Variants in KIF26A observed in about 807,000 individuals in gnomAD.
KIF26A encodes the protein kinesin family member 26A.
In KIF26A, 74 loss-of-function variants were observed where a neutral mutation model predicts 126.0. The observed-to-expected ratio is 0.59, with a 90% CI of 0.49 to 0.71. KIF26A has a LOEUF of 0.71. KIF26A is among the 30% of genes least tolerant of loss of function. The probability of loss-of-function intolerance (pLI) is 0.00; values close to 1 mark genes in which losing one functional copy is unlikely to be tolerated. For synonymous variants in KIF26A, 1,445 were observed against 1,232.7 expected (o/e 1.17, Z -3.61); for missense variants, 2,984 against 2,763.3 (o/e 1.08, Z -1.79).
intron 7 of KIF26A, 64 bp from the exon 8 acceptor site, chr14:104,172,913 G>T (rs1247004742): frequency 8.8e-6 from 13 of 1,478,700 alleles, no homozygotes; most frequent in Non-Finnish European, 1.2e-5. Context: ...CCCCGGGGAC[G>T]CCAGTAGCCA....
intron 5 of KIF26A, among the ~76,000 whole-genome samples, chr14:104,169,197 C>T (rs73360237): frequency 0.015 from 2,306 of 152,276 alleles, 61 homozygotes; most frequent in African/African-American, 0.052. Flanking sequence ...AGGAGGACGC[C>T]GAGGTCAGGT....
chr14:104,151,946 T>C lies in KIF26A; in HGVS notation c.289-69T>C. 2 of 1,394,546 alleles carry C rather than the reference T, an allele frequency of 1.4e-6. No individual in the cohort carries two copies. The highest frequency in any genetic ancestry group is 2.0e-6 in the Non-Finnish European group (2 of 983,932). 86.4% of individuals were successfully genotyped at this position (1,394,546 alleles called of 1,614,324 possible). A position where few individuals can be genotyped will look rare whatever the true frequency, so the allele number is the denominator to read the frequency against. Reference sequence around the variant, plus strand: ...GCAGCGTCATGGACGGTGAGAGTGCTGGTGGGCTCTGGGTGCCGGCCCTCC... The same window carrying C: ...GCAGCGTCATGGACGGTGAGAGTGCCGGTGGGCTCTGGGTGCCGGCCCTCC... On this transcript the variant is annotated intron_variant, in intron 2 of 14. Transcript: ENST00000423312. The surrounding 1 kb of genome is among the most constrained non-coding windows in gnomAD (Gnocchi z 4.9).
chr14:104,179,243 C>T lies in KIF26A; in HGVS notation c.5324C>T (p.Ala1775Val), dbSNP rs372472546. The change falls in exon 14 of 15, where the codon GCG (alanine) becomes GTG (valine). Residue 1775 changes from alanine to valine, a missense_variant. Ala to Val is a moderately conservative substitution (Grantham distance 64). Coordinates refer to ENST00000423312, the MANE Select transcript of KIF26A (RefSeq NM_015656.2). ...GCCCGCCCTGCCTCCCAGGGTCTGG[C>T]GTGCGTCAGTACAAGGCTGCGGCTG... ...TPREAPTQGLACVSTRLRLAE... is the reference protein window; with the variant it reads ...TPREAPTQGLVCVSTRLRLAE... 17 of 1,496,534 alleles carry T rather than the reference C, an allele frequency of 1.1e-5. No homozygotes were observed. Among genetic ancestry groups the T allele is most frequent in the East Asian group, 7.6e-5 (3 of 39,676 alleles). The allele number at this position is 1,496,534 out of a possible 1,614,324, so 92.7% of individuals were successfully genotyped here. A position where few individuals can be genotyped will look rare whatever the true frequency, so the allele number is the denominator to read the frequency against.
At chr14:104,163,092 G>A (rs988516779) in intron 4 of KIF26A, among the ~76,000 whole-genome samples, 8 of 152,160 alleles carry the variant, frequency 5.3e-5, no homozygotes, top group Non-Finnish European at 1.2e-4. Flanking sequence ...ACCCAAGGTC[G>A]TGGGGTGGGG....
Position 104,177,973 on chromosome 14 carries a change from T to C in KIF26A, c.5110+75T>C, listed in dbSNP as rs926283057. The C allele has an allele frequency of 5.8e-6, 8 of 1,376,196 alleles. No individual in the cohort carries two copies. The African/African-American group carries it at 9.0e-5, about 15-fold the overall frequency. 85.2% of individuals were successfully genotyped at this position (1,376,196 alleles called of 1,614,324 possible). On this transcript the variant is annotated intron_variant, in intron 12 of 14. Transcript: ENST00000423312. ...TAGATGTGCACAGCCCTCTACAGTT[T>C]ACAGGGCCAGGAGATGCTGGACAGA...
Position 104,143,420 on chromosome 14 carries a change from GTT to G in KIF26A, c.288+4134_288+4135del, listed in dbSNP as rs375529823. ...CCTTGGACGCTGCTCATGGGCTTCT[GTT>G]TGCTTCTCCTGTTGCCTCTCTGGTT... is the stretch of plus-strand genomic sequence containing the variant. On this transcript the variant is annotated intron_variant, in intron 2 of 14. Transcript: ENST00000423312. Among the ~76,000 whole-genome samples the G allele has an allele frequency of 6.4e-4, 97 of 152,336 alleles. 1 individual carries two copies. The East Asian group carries it at 0.015, about 23-fold the overall frequency.
chr14:104,157,187 T>C (rs1033489396), intron 3 of KIF26A, among the ~76,000 whole-genome samples: 4 of 152,198 alleles, frequency 2.6e-5, no homozygotes, highest in African/African-American at 9.6e-5. Context: ...TGCTTCATTA[T>C]GAGGAGGCCT....
rs1356450224 is a variant in KIF26A, at chr14:104,152,234, T to C, written c.508T>C (p.Ser170Pro). The change falls in exon 3 of 15, where the codon TCG becomes CCG. Residue 170 changes from serine to proline, a missense_variant. Ser to Pro is a moderately conservative substitution (Grantham distance 74). Coordinates refer to ENST00000423312, the MANE Select transcript of KIF26A (RefSeq NM_015656.2). The surrounding 1 kb of genome is among the most constrained non-coding windows in gnomAD (Gnocchi z 5.9). ...CGCACCCCCCAGCACCACGACCAGC[T>C]CGAGGGACACGCCAGGACCAGCGGG... is the stretch of plus-strand genomic sequence containing the variant. ...SLAPPSTTTS[S>P]RDTPGPAGPA... 1.3e-6 allele frequency: 2 copies of C among 1,598,512 alleles called. No homozygotes were observed. Among genetic ancestry groups the C allele is most frequent in the Non-Finnish European group, 1.7e-6 (2 of 1,174,634 alleles).
At chr14:104,174,503 C>T (rs898366575) in intron 11 of KIF26A, among the ~76,000 whole-genome samples, 193 bp downstream of exon 11, 4 of 152,150 alleles carry the variant, frequency 2.6e-5, no homozygotes, top group African/African-American at 9.7e-5. Context: ...AGCCTGAGGT[C>T]CCTGGCTGCA....
chr14:104,157,290 T>C (rs2037788793), intron 3 of KIF26A, among the ~76,000 whole-genome samples: 3 of 152,288 alleles, frequency 2.0e-5, no homozygotes, highest in East Asian at 3.9e-4. Context: ...CGTGGGGCAA[T>C]TAGTGTTCCT....
rs779169783 is a variant in KIF26A, at chr14:104,172,973, C to G, written c.1421-4C>G. The G allele has an allele frequency of 3.8e-6, 6 of 1,584,876 alleles. No homozygotes were observed. Among genetic ancestry groups the G allele is most frequent in the Non-Finnish European group, 5.2e-6 (6 of 1,162,324 alleles). ...GTGGGGCCTGACGCCTGCGTGGCCC[C>G]CAGGCAAGTCGTACACCATGATCGG... On this transcript the variant is annotated splice_region_variant and splice_polypyrimidine_tract_variant and intron_variant, in intron 7 of 14. Coordinates refer to ENST00000423312, the MANE Select transcript of KIF26A (RefSeq NM_015656.2).
Position 104,148,951 on chromosome 14 carries a change from A to G in KIF26A, c.289-3064A>G, listed in dbSNP as rs572398575. On this transcript the variant is annotated intron_variant, in intron 2 of 14. Transcript: ENST00000423312. The surrounding 1 kb of genome is among the most constrained non-coding windows in gnomAD (Gnocchi z 4.3). ...GCTGGGCCCCAGGCTGGTCCTGCAA[A>G]TAGGAGGTCTCGGGTCCTCTGGGCT... Among the ~76,000 whole-genome samples the G allele has an allele frequency of 2.6e-5, 4 of 152,188 alleles. No homozygotes were observed. In the East Asian group the frequency reaches 7.7e-4, roughly 29 times the overall value.
chr14:104,172,043 C>G, intron 6 of KIF26A, 108 bp downstream of exon 6: 2 of 1,104,268 alleles, frequency 1.8e-6, no homozygotes, highest in Non-Finnish European at 2.6e-6. Flanking sequence ...GCAGAGGAAG[C>G]GTGAGCGAGG....
Position 104,174,292 on chromosome 14 carries a change from G to T in KIF26A, c.2175G>T (p.Leu725=). ...AGCTCGCCGCCCGCATCCACCGCCTGCGCAGGAAGAAGGCCAAGGTGCTCC... is the reference window on the plus strand; with the variant it reads ...AGCTCGCCGCCCGCATCCACCGCCTTCGCAGGAAGAAGGCCAAGGTGCTCC... ...TVQLAARIHR[L]RRKKAKYASS... Residue 725 remains leucine (L), a synonymous_variant, in exon 11 of 15, where the codon CTG becomes CTT. Coordinates refer to ENST00000423312, the MANE Select transcript of KIF26A (RefSeq NM_015656.2). 6.4e-7 allele frequency: 1 copy of T among 1,552,168 alleles called. No homozygotes were observed. Among genetic ancestry groups the T allele is most frequent in the South Asian group, 1.2e-5 (1 of 83,830 alleles).
At chr14:104,170,115 G>A (rs943988326) in intron 5 of KIF26A, among the ~76,000 whole-genome samples, 1 of 152,170 alleles carries the variant, frequency 6.6e-6, no homozygotes, top group Non-Finnish European at 1.5e-5. Context: ...GAGCCAAACC[G>A]TGAGCCTCTC....
chr14:104,162,518 T>C (rs1453499084), intron 4 of KIF26A, among the ~76,000 whole-genome samples: 2 of 152,198 alleles, frequency 1.3e-5, no homozygotes. Context: ...GGCTCCAGCC[T>C]CAATCTCCCT....
In KIF26A at chr14:104,138,778, G is replaced by A. The variant is rs1171838618; in HGVS notation, c.42+14G>A. 18 of 1,260,920 alleles carry A rather than the reference G, an allele frequency of 1.4e-5. No individual in the cohort carries two copies. Among genetic ancestry groups the A allele is most frequent in the Non-Finnish European group, 1.6e-5 (16 of 1,006,442 alleles). The allele number at this position is 1,260,920 out of a possible 1,614,324, so 78.1% of individuals were successfully genotyped here. On this transcript the variant is annotated intron_variant, in intron 1 of 14. Coordinates refer to ENST00000423312, the MANE Select transcript of KIF26A (RefSeq NM_015656.2). ...GCGCAGCCCGCGGTACGCGCGGCCC[G>A]GCCTGGAGAGGGAGGCGGGCGGCGG... is the stretch of plus-strand genomic sequence containing the variant.
chr14:104,153,107 G>A (rs1308717094), intron 3 of KIF26A, among the ~76,000 whole-genome samples: 1 of 152,124 alleles, frequency 6.6e-6, no homozygotes, highest in African/African-American at 2.4e-5. Context: ...AGTCTCTGGG[G>A]CAACATTGGC....
Position 104,175,912 on chromosome 14 carries a change from C to G in KIF26A, c.3124C>G (p.Leu1042Val). 1 of 1,546,660 alleles carries G rather than the reference C, an allele frequency of 6.5e-7. No individual in the cohort carries two copies. ...LVFTVVEELS[L>V]GALAGAGRPT... Reference sequence around the variant, plus strand: ...GTTCACGGTGGTGGAGGAGCTGTCCCTGGGGGCGCTTGCCGGAGCTGGGCG... The same window carrying G: ...GTTCACGGTGGTGGAGGAGCTGTCCGTGGGGGCGCTTGCCGGAGCTGGGCG... The change falls in exon 12 of 15, where the codon CTG (leucine) becomes GTG (valine). Residue 1042 changes from leucine (L) to valine (V), a missense_variant. Transcript: ENST00000423312.
Sources: gnomAD v4.1 joint callset for allele counts (sites outside exome capture counted in the v4.1 genomes callset) on GRCh38, gnomAD v4.1.1 for gene constraint, Gnocchi (gnomAD v3.1) non-coding constraint, MANE v1.5 for transcripts, NCBI Gene and HGNC (gene_info 2026-07-23, HGNC 2026-07-21) for gene names.